KCNIP4: variants seen among roughly 807,000 people sequenced by gnomAD.
KCNIP4 encodes the protein Kv channel-interacting protein 4.
A neutral mutation model predicts 34.0 loss-of-function variants in KCNIP4; 12 were observed. The observed-to-expected ratio is 0.35, with a 90% CI of 0.23 to 0.57. The LOEUF is 0.57. Among genes scored for constraint, KCNIP4 ranks in the 20% least tolerant of loss-of-function variants. The pLI is 0.83. For missense variants in KCNIP4, 238 were observed against 311.7 expected, an observed-to-expected ratio of 0.76 and a Z score of 1.78; for synonymous variants, 124 against 102.2, an observed-to-expected ratio of 1.21 and a Z score of -1.29.
chr4:21,708,550 A>G (rs1713469983), intron 1 of KCNIP4, among the ~76,000 whole-genome samples: 1 of 152,132 alleles, frequency 6.6e-6, no homozygotes, highest in Non-Finnish European at 1.5e-5. Context: ...GAAGATGACA[A>G]AATTATGGCT....
chr4:21,810,139 G>C (rs1026789900), intron 1 of KCNIP4, among the ~76,000 whole-genome samples: 1 of 152,176 alleles, frequency 6.6e-6, no homozygotes, highest in African/African-American at 2.4e-5. Flanking sequence ...GAGACCAATG[G>C]AGACTGCTGA....
chr4:21,921,946 T>G (rs1203862303), intron 1 of KCNIP4, among the ~76,000 whole-genome samples: 1 of 152,192 alleles, frequency 6.6e-6, no homozygotes, highest in Non-Finnish European at 1.5e-5. Context: ...CAAATCCAAA[T>G]GCAGCCTCCA....
At chr4:20,798,670 G>C (rs1357000223) in intron 3 of KCNIP4, among the ~76,000 whole-genome samples, 1 of 152,158 alleles carries the variant, frequency 6.6e-6, no homozygotes, top group Non-Finnish European at 1.5e-5. Flanking sequence ...CATAGGGAAG[G>C]GAAAAAGATA....
chr4:21,158,477 G>A (rs1363897912), intron 1 of KCNIP4, among the ~76,000 whole-genome samples: 1 of 152,102 alleles, frequency 6.6e-6, no homozygotes, highest in Non-Finnish European at 1.5e-5. Context: ...CTTATCTCAG[G>A]AATGCAGTTA....
At chr4:21,234,358 CATAT>C in intron 1 of KCNIP4, among the ~76,000 whole-genome samples, 1 of 94,932 alleles carries the variant, frequency 1.1e-5, no homozygotes, top group East Asian at 3.3e-4. Flanking sequence ...TTATATATAA[CATAT>C]ATAATATATA....
chr4:21,202,831 A>G (rs1157346024), intron 1 of KCNIP4, among the ~76,000 whole-genome samples: 15 of 152,178 alleles, frequency 9.9e-5, no homozygotes, highest in Admixed American at 9.8e-4. Flanking sequence ...ATAGAAAACA[A>G]AGAGACAGAA....
chr4:21,106,923 A>C (rs1371224955), intron 1 of KCNIP4, among the ~76,000 whole-genome samples: 1 of 151,298 alleles, frequency 6.6e-6, no homozygotes, highest in Admixed American at 6.6e-5. Flanking sequence ...TGAGTTTCTT[A>C]ATCCTGAGTT....
Position 21,945,730 on chromosome 4 carries a change from T to C in KCNIP4, c.61+2841A>G, listed in dbSNP as rs192581056. Among the ~76,000 whole-genome samples, 411 of 152,044 alleles carry C rather than the reference T, an allele frequency of 2.7e-3. 1 individual carries two copies. Among genetic ancestry groups the C allele is most frequent in the African/African-American group, 8.6e-3 (358 of 41,472 alleles). Reference sequence around the variant, plus strand: ...CTTGTTTCTGATTCTCTTTCAAACATAGTTGAATTATCATCTCCCTCAGTC... The same window carrying C: ...CTTGTTTCTGATTCTCTTTCAAACACAGTTGAATTATCATCTCCCTCAGTC... On this transcript the variant is annotated intron_variant, in intron 1 of 8. Coordinates refer to ENST00000382152, the MANE Select transcript of KCNIP4 (RefSeq NM_025221.6).
intron 1 of KCNIP4, among the ~76,000 whole-genome samples, chr4:21,411,134 G>A (rs897669791): frequency 2.6e-5 from 4 of 152,162 alleles, no homozygotes; most frequent in African/African-American, 9.7e-5. Flanking sequence ...AAATTTTTAG[G>A]TGCTTAGGAA....
At chr4:21,247,957 A>G (rs1246627338) in intron 1 of KCNIP4, among the ~76,000 whole-genome samples, 3 of 128,776 alleles carry the variant, frequency 2.3e-5, no homozygotes, top group African/African-American at 6.7e-5. Context: ...ACACACACAT[A>G]TATATATACA....
chr4:21,287,385 A>C (rs547555489), intron 1 of KCNIP4, among the ~76,000 whole-genome samples: 5 of 152,358 alleles, frequency 3.3e-5, no homozygotes, highest in Admixed American at 3.3e-4. Flanking sequence ...CATAATTATT[A>C]TGCAAAAGCA....
chr4:21,182,065 A>G (rs201665802), intron 1 of KCNIP4, among the ~76,000 whole-genome samples: 1 of 152,164 alleles, frequency 6.6e-6, no homozygotes, highest in Non-Finnish European at 1.5e-5. Context: ...ATTGGATGTT[A>G]TAAGTGGACA....
chr4:21,471,254 A>AAAATG (rs1432682803), intron 1 of KCNIP4, among the ~76,000 whole-genome samples: 1 of 152,158 alleles, frequency 6.6e-6, no homozygotes, highest in Non-Finnish European at 1.5e-5. Flanking sequence ...GGCCCACTGA[A>AAAATG]AAATGCTTCC....
At chr4:21,102,494 T>C (rs1368646) in intron 1 of KCNIP4, among the ~76,000 whole-genome samples, 21,746 of 152,154 alleles carry the variant, frequency 0.14, 1,765 homozygotes, top group East Asian at 0.23. Context: ...CCCATTGACA[T>C]AGAACCATCT....
At chr4:21,083,110 T>C (rs1426189182) in intron 1 of KCNIP4, among the ~76,000 whole-genome samples, 2 of 151,818 alleles carry the variant, frequency 1.3e-5, no homozygotes, top group East Asian at 1.9e-4. Flanking sequence ...CTTGCTTTTG[T>C]TGCCTTCTTC....
At chr4:21,155,305 C>CGAAG (rs1753064221) in intron 1 of KCNIP4, among the ~76,000 whole-genome samples, 2 of 151,964 alleles carry the variant, frequency 1.3e-5, no homozygotes, top group Non-Finnish European at 2.9e-5. Flanking sequence ...AAATGGCCTT[C>CGAAG]GAAGGAAATG....
chr4:21,205,431 A>G (rs1045484842), intron 1 of KCNIP4, among the ~76,000 whole-genome samples: 3 of 152,184 alleles, frequency 2.0e-5, no homozygotes, highest in African/African-American at 7.2e-5. Flanking sequence ...GGTGTATGCC[A>G]AATGCCATGC....
At chr4:20,745,367 C>G (rs928452794) in intron 5 of KCNIP4, among the ~76,000 whole-genome samples, 4 of 152,270 alleles carry the variant, frequency 2.6e-5, no homozygotes, top group Non-Finnish European at 4.4e-5. Flanking sequence ...GCACCTCTCT[C>G]TTTTTATCCT....
chr4:21,688,407 G>T (rs1224269347), intron 1 of KCNIP4, among the ~76,000 whole-genome samples: 2 of 152,126 alleles, frequency 1.3e-5, no homozygotes, highest in Non-Finnish European at 2.9e-5. Context: ...GCATTTCAAT[G>T]ATGAGATACT....
Sources: gnomAD v4.1 joint callset for allele counts (sites outside exome capture counted in the v4.1 genomes callset) on GRCh38, gnomAD v4.1.1 for gene constraint, MANE v1.5 for transcripts, NCBI Gene and HGNC (gene_info 2026-07-23, HGNC 2026-07-21) for gene names.